CNTN4: variants seen among roughly 807,000 people sequenced by gnomAD.
CNTN4 encodes contactin 4.
Under a neutral mutation model 122.5 loss-of-function variants are expected in CNTN4, and 77 were observed. The observed-to-expected ratio is 0.63, with a 90% CI of 0.52 to 0.76. CNTN4 has a LOEUF of 0.76. Ranked by LOEUF, CNTN4 falls within the 30% of genes least tolerant of loss-of-function variation. The probability of loss-of-function intolerance (pLI) is 0.00; values close to 1 mark genes in which losing one functional copy is unlikely to be tolerated. For missense variants in CNTN4, 1,256 were observed against 1,259.1 expected, an observed-to-expected ratio of 1.00 and a Z score of 0.04; for synonymous variants, 512 against 447.0, an observed-to-expected ratio of 1.15 and a Z score of -1.83.
intron 3 of CNTN4, among the ~76,000 whole-genome samples, chr3:2,399,090 T>C (rs1358070265): frequency 2.6e-5 from 4 of 152,002 alleles, no homozygotes; most frequent in African/African-American, 7.2e-5. Context: ...GAAAGAGCTA[T>C]TGAACTGGGG....
rs1559250919 is a variant in CNTN4 at position 2,571,472 on chromosome 3, CTTGAAACTCCCT to C, written c.-27_-16del. 1.3e-6 allele frequency: 2 copies of C among 1,564,988 alleles called. No homozygotes were observed. Among genetic ancestry groups the C allele is most frequent in the Non-Finnish European group, 1.8e-6 (2 of 1,135,274 alleles). ...GCAATTCTATTCGCTTGTTATTGGA[CTTGAAACTCCCT>C]TTGACCTCGGAAACTGAAGATGAGG... is the stretch of plus-strand genomic sequence containing the variant. On this transcript the variant is annotated 5_prime_UTR_variant, in exon 4 of 25. Transcript: ENST00000418658.
intron 6 of CNTN4, among the ~76,000 whole-genome samples, chr3:2,795,422 TCC>T (rs759527046): frequency 1.4e-4 from 22 of 152,252 alleles, no homozygotes; most frequent in Middle Eastern, 3.4e-3. Flanking sequence ...CCAGTGACAT[TCC>T]CACGGAGGAA....
chr3:2,199,727 G>A (rs191702196), intron 2 of CNTN4, among the ~76,000 whole-genome samples: 2 of 152,250 alleles, frequency 1.3e-5, no homozygotes, highest in East Asian at 1.9e-4. Context: ...AAATAACATA[G>A]CATGTAAATA....
rs192878936 is a variant in CNTN4, at chr3:2,624,815, G to A, written c.55+53257G>A. On this transcript the variant is annotated intron_variant, in intron 4 of 24. Coordinates refer to ENST00000418658, the MANE Select transcript of CNTN4 (RefSeq NM_175607.3). ...CCCAGCTAATTTTTGTATTTTTTTA[G>A]TAGAGACAGGATTTCACCCCATTGG... Among the ~76,000 whole-genome samples the A allele has an allele frequency of 2.9e-3, 441 of 151,380 alleles. 1 individual carries two copies. The highest frequency in any genetic ancestry group is 6.8e-3 in the Middle Eastern group (2 of 294).
chr3:2,170,117 C>T (rs376959310), intron 2 of CNTN4, among the ~76,000 whole-genome samples: 141 of 151,834 alleles, frequency 9.3e-4, no homozygotes, highest in South Asian at 4.4e-3. Context: ...GTCAGGAGAT[C>T]GAGACCATCC....
At chr3:2,710,669 G>A (rs890658916) in intron 4 of CNTN4, among the ~76,000 whole-genome samples, 4 of 152,116 alleles carry the variant, frequency 2.6e-5, no homozygotes, top group African/African-American at 7.2e-5. Flanking sequence ...CCGTGGACTT[G>A]TCACAAATTA....
intron 3 of CNTN4, among the ~76,000 whole-genome samples, chr3:2,438,700 T>C (rs944157346): frequency 2.6e-5 from 4 of 152,200 alleles, no homozygotes; most frequent in African/African-American, 9.6e-5. Flanking sequence ...TTCCAAAAGA[T>C]GCTCAGCTCA....
intron 2 of CNTN4, among the ~76,000 whole-genome samples, chr3:2,266,819 A>T (rs1195606145): frequency 6.6e-6 from 1 of 152,132 alleles, no homozygotes; most frequent in Non-Finnish European, 1.5e-5. Context: ...AGCAGCTGCC[A>T]CCACAGTCAA....
intron 2 of CNTN4, among the ~76,000 whole-genome samples, chr3:2,158,251 A>G (rs79690404): frequency 0.21 from 31,634 of 152,224 alleles, 4,189 homozygotes; most frequent in Non-Finnish European, 0.31. Flanking sequence ...CCCCAAAAGT[A>G]TTAATGTAAG....
At chr3:2,957,520 G>A (rs895732967) in intron 13 of CNTN4, among the ~76,000 whole-genome samples, 2 of 152,024 alleles carry the variant, frequency 1.3e-5, no homozygotes, top group Non-Finnish European at 2.9e-5. Flanking sequence ...GTGAGGCTTG[G>A]ACTACAGATG....
At chr3:2,979,250 C>T (rs1436612821) in intron 13 of CNTN4, among the ~76,000 whole-genome samples, 2 of 151,934 alleles carry the variant, frequency 1.3e-5, no homozygotes, top group Admixed American at 6.6e-5. Flanking sequence ...CTTTCTGGGG[C>T]GCCTAAGCAC....
chr3:2,831,952 A>T (rs2093115328), intron 7 of CNTN4, among the ~76,000 whole-genome samples: 1 of 152,242 alleles, frequency 6.6e-6, no homozygotes, highest in Non-Finnish European at 1.5e-5. Context: ...TTTAAAAACA[A>T]AAGGTGGCTG....
intron 15 of CNTN4, among the ~76,000 whole-genome samples, chr3:3,028,460 G>T (rs1252510877): frequency 6.6e-6 from 1 of 152,062 alleles, no homozygotes; most frequent in East Asian, 1.9e-4. Context: ...CAGTCAAAAT[G>T]TGTAAATAAC....
At chr3:2,896,217 G>A (rs550799488) in intron 10 of CNTN4, among the ~76,000 whole-genome samples, 233 of 152,058 alleles carry the variant, frequency 1.5e-3, no homozygotes, top group African/African-American at 4.6e-3. Flanking sequence ...TGTTTCTCAA[G>A]GTACTTTTTT....
chr3:2,225,482 C>T (rs539201917), intron 2 of CNTN4, among the ~76,000 whole-genome samples: 83 of 152,024 alleles, frequency 5.5e-4, no homozygotes, highest in Non-Finnish European at 6.2e-4. Flanking sequence ...TGCTGCACTC[C>T]GGCCTGGACA....
chr3:2,464,542 A>G (rs2075429826), intron 3 of CNTN4, among the ~76,000 whole-genome samples: 1 of 152,246 alleles, frequency 6.6e-6, no homozygotes, highest in Non-Finnish European at 1.5e-5. Context: ...GTGACTAAAG[A>G]GAAAGCTACA....
intron 2 of CNTN4, among the ~76,000 whole-genome samples, chr3:2,254,143 G>T (rs917834761): frequency 1.3e-5 from 2 of 151,090 alleles, no homozygotes; most frequent in African/African-American, 4.9e-5. Context: ...TGCGGTGTTG[G>T]GTTTTCTGTT....
At chr3:2,398,822 T>G (rs1405259822) in intron 3 of CNTN4, among the ~76,000 whole-genome samples, 1 of 152,168 alleles carries the variant, frequency 6.6e-6, no homozygotes, top group Non-Finnish European at 1.5e-5. Context: ...CTCCTTTCAA[T>G]TTTGCTAACT....
chr3:2,134,730 G>A (rs1237527737), intron 2 of CNTN4, among the ~76,000 whole-genome samples: 3 of 152,190 alleles, frequency 2.0e-5, no homozygotes, highest in South Asian at 2.1e-4. Flanking sequence ...TGCAAGGGGA[G>A]CCCTGTGTTA....
Sources: gnomAD v4.1 joint callset for allele counts (sites outside exome capture counted in the v4.1 genomes callset) on GRCh38, gnomAD v4.1.1 for gene constraint, MANE v1.5 for transcripts, NCBI Gene and HGNC (gene_info 2026-07-23, HGNC 2026-07-21) for gene names.